Variants in LPP observed in about 807,000 individuals in gnomAD.
LPP encodes lipoma-preferred partner.
LPP carries 38 observed loss-of-function variants against 60.4 expected under a neutral mutation model. That is an observed-to-expected ratio of 0.63 (90% CI 0.49 to 0.83). LPP has a LOEUF of 0.83. Among genes scored for constraint, LPP ranks in the 40% least tolerant of loss-of-function variants. The probability of loss-of-function intolerance (pLI) is 0.00; values close to 1 mark genes in which losing one functional copy is unlikely to be tolerated. For synonymous variants in LPP, 328 were observed against 290.8 expected (o/e 1.13, Z -1.30); for missense variants, 902 against 783.6 (o/e 1.15, Z -1.80).
chr3:188,636,110 A>G (rs1033712922), intron 7 of LPP, among the ~76,000 whole-genome samples: 2 of 152,244 alleles, frequency 1.3e-5, no homozygotes, highest in Non-Finnish European at 2.9e-5. Flanking sequence ...AGCGACGCAG[A>G]AGGCGGGTGA....
At chr3:188,484,761 T>G in intron 5 of LPP, 57 bp downstream of exon 5, 3 of 1,282,274 alleles carry the variant, frequency 2.3e-6, no homozygotes, top group Middle Eastern at 3.7e-4. Flanking sequence ...GTCATGTTTA[T>G]AAGCCATCCT....
chr3:188,525,076 C>T (rs1053932163), intron 6 of LPP, among the ~76,000 whole-genome samples: 3 of 151,406 alleles, frequency 2.0e-5, no homozygotes, highest in Non-Finnish European at 2.9e-5. Context: ...AAGCAATTCT[C>T]CTGCATCAGC....
At chr3:188,709,332 G>T (rs556601847) in intron 8 of LPP, 1 of 152,106 alleles carries the variant, frequency 6.6e-6, no homozygotes, top group East Asian at 1.9e-4. Context: ...TAGGTCAATT[G>T]TTGCAAATTT....
intron 5 of LPP, among the ~76,000 whole-genome samples, chr3:188,507,283 T>C (rs1002922062): frequency 6.6e-6 from 1 of 152,068 alleles, no homozygotes; most frequent in African/African-American, 2.4e-5. Flanking sequence ...CATTGTGCAC[T>C]GCTTCTGTAT....
chr3:188,470,522 C>T (rs1200691534), intron 4 of LPP, among the ~76,000 whole-genome samples: 1 of 152,140 alleles, frequency 6.6e-6, no homozygotes, highest in Non-Finnish European at 1.5e-5. Context: ...TTAGGATAGA[C>T]TGATGACTCA....
chr3:188,363,509 G>C (rs1770142307), intron 3 of LPP, among the ~76,000 whole-genome samples: 1 of 152,190 alleles, frequency 6.6e-6, no homozygotes, highest in East Asian at 1.9e-4. Flanking sequence ...AGGCAGCTCA[G>C]GTCCCTAGAG....
intron 2 of LPP, among the ~76,000 whole-genome samples, chr3:188,312,456 A>G (rs184145616): frequency 6.6e-6 from 1 of 152,290 alleles, no homozygotes; most frequent in East Asian, 1.9e-4. Flanking sequence ...AGATTAAAAT[A>G]AAAAGTTTTA....
In LPP at chr3:188,879,037, A is replaced by G. The variant is rs1769604236; in HGVS notation, c.*4558A>G. On this transcript the variant is annotated 3_prime_UTR_variant, in exon 12 of 12. Coordinates refer to ENST00000617246, the MANE Select transcript of LPP (RefSeq NM_001375462.1). ...TAATTGTCTTCATTGTATTTGCTTAATAGTGGTCCAGACAAGTTCAAAACT... is the reference window on the plus strand; with the variant it reads ...TAATTGTCTTCATTGTATTTGCTTAGTAGTGGTCCAGACAAGTTCAAAACT... 1 of 228,638 alleles carries G rather than the reference A, an allele frequency of 4.4e-6. No individual in the cohort carries two copies. Among genetic ancestry groups the G allele is most frequent in the Non-Finnish European group, 8.7e-6 (1 of 115,220 alleles). 14.2% of individuals were successfully genotyped at this position (228,638 alleles called of 1,614,324 possible). A position where few individuals can be genotyped will look rare whatever the true frequency, so the allele number is the denominator to read the frequency against.
At chr3:188,499,789 A>G (rs1811294795) in intron 5 of LPP, among the ~76,000 whole-genome samples, 1 of 152,126 alleles carries the variant, frequency 6.6e-6, no homozygotes, top group Non-Finnish European at 1.5e-5. Context: ...CCTTTCTGAA[A>G]TGTATTCAAG....
intron 6 of LPP, among the ~76,000 whole-genome samples, chr3:188,581,313 G>A (rs1343611418): frequency 6.6e-6 from 1 of 152,058 alleles, no homozygotes; most frequent in Non-Finnish European, 1.5e-5. Context: ...TGGACAGACT[G>A]GCATTTTACC....
chr3:188,243,969 G>A (rs1383077622), intron 2 of LPP, among the ~76,000 whole-genome samples: 3 of 152,058 alleles, frequency 2.0e-5, no homozygotes, highest in East Asian at 1.9e-4. Context: ...TCCACTTCCC[G>A]GGTTCAAGCG....
At chr3:188,216,051 C>A (rs1164017259) in intron 1 of LPP, among the ~76,000 whole-genome samples, 2 of 152,148 alleles carry the variant, frequency 1.3e-5, no homozygotes, top group African/African-American at 4.8e-5. Flanking sequence ...TCCCTTTCTC[C>A]TTTCTTTGCT....
chr3:188,403,770 T>C (rs116403537), intron 3 of LPP, among the ~76,000 whole-genome samples: 5,685 of 152,282 alleles, frequency 0.037, 152 homozygotes, highest in Non-Finnish European at 0.061. Context: ...TTTTTCTATA[T>C]TGGTTTTGTG....
chr3:188,256,894 A>G lies in LPP; in HGVS notation c.-67+31367A>G, dbSNP rs1324744467. ...ATACGTGTGGGTGTTTCAAAGTCTA[A>G]CTGGAATAGGCCTCTCACATTTATC... On this transcript the variant is annotated intron_variant, in intron 2 of 11. Transcript: ENST00000617246. 3.9e-5 allele frequency among the ~76,000 whole-genome samples: 6 copies of G among 152,200 alleles called. No homozygotes were observed. In the East Asian group the frequency reaches 9.6e-4, roughly 24 times the overall value.
At chr3:188,318,841 C>A (rs1756019178) in intron 2 of LPP, among the ~76,000 whole-genome samples, 1 of 143,570 alleles carries the variant, frequency 7.0e-6, no homozygotes, top group Non-Finnish European at 1.5e-5. Flanking sequence ...TCACTGCAAG[C>A]TCCGCCTCCC....
chr3:188,620,575 G>T (rs1418985060), intron 7 of LPP, among the ~76,000 whole-genome samples: 1 of 152,068 alleles, frequency 6.6e-6, no homozygotes, highest in East Asian at 1.9e-4. Flanking sequence ...ATGAACATTT[G>T]AGGTTTTTCT....
intron 1 of LPP, among the ~76,000 whole-genome samples, chr3:188,222,261 A>G (rs925700300): frequency 5.3e-5 from 8 of 152,236 alleles, no homozygotes; most frequent in Non-Finnish European, 1.2e-4. Flanking sequence ...CAGGAGACAT[A>G]CAGTATCTAA....
Position 188,182,807 on chromosome 3 carries a change from A to T in LPP, c.-190+28555A>T, listed in dbSNP as rs75983567. On this transcript the variant is annotated intron_variant, in intron 1 of 11. Transcript: ENST00000617246. The surrounding 1 kb of genome is among the most constrained non-coding windows in gnomAD (Gnocchi z 4.4). ...ATATATGTACATATACAATATATGC[A>T]CATATATAATATATGTACATATAAT... Among the ~76,000 whole-genome samples, 1 of 70,484 alleles carries T rather than the reference A, an allele frequency of 1.4e-5. No individual in the cohort carries two copies. Among genetic ancestry groups the T allele is most frequent in the Non-Finnish European group, 3.8e-5 (1 of 26,406 alleles). The allele number at this position is 70,484 out of a possible 152,430, so 46.2% of individuals were successfully genotyped here.
At chr3:188,826,297 G>A (rs1755467819) in intron 9 of LPP, among the ~76,000 whole-genome samples, 1 of 152,184 alleles carries the variant, frequency 6.6e-6, no homozygotes, top group African/African-American at 2.4e-5. Context: ...ATGCTCTGCG[G>A]TTTCTGCAGG....
Sources: allele counts gnomAD v4.1 joint callset (sites outside exome capture counted in the v4.1 genomes callset), GRCh38; gene constraint gnomAD v4.1.1; non-coding constraint Gnocchi (gnomAD v3.1); transcripts MANE v1.5; gene names NCBI Gene and HGNC (gene_info 2026-07-23, HGNC 2026-07-21).